The following TOMM20 variants were observed in gnomAD, a reference collection of about 807,000 sequenced individuals.
TOMM20 encodes translocase of outer mitochondrial membrane 20.
TOMM20 carries 10 observed loss-of-function variants against 22.1 expected under a neutral mutation model. The ratio of observed to expected loss-of-function variants is 0.45; its 90% CI spans 0.28 to 0.77. TOMM20 has a LOEUF of 0.77. Among genes scored for constraint, TOMM20 ranks in the 30% least tolerant of loss-of-function variants. The probability of loss-of-function intolerance (pLI) is 0.13; values close to 1 mark genes in which losing one functional copy is unlikely to be tolerated. For missense variants in TOMM20, 121 were observed against 172.2 expected (o/e 0.70, Z 1.66); for synonymous variants, 55 against 61.4 (o/e 0.90, Z 0.49).
At chr1:235,112,131 T>G (rs768786979) in intron 4 of TOMM20, 23 bp from the exon 5 acceptor site, 9 of 1,574,458 alleles carry the variant, frequency 5.7e-6, no homozygotes, top group Non-Finnish European at 8.7e-7. Context: ...AAAAATAATT[T>G]TTTAAAGTGT....
At position 235,121,060 on chromosome 1, in the gene TOMM20, A is replaced by G. The variant is rs376514180; in HGVS notation, c.169-1161T>C. ...ACTAAAATACAAAAATTAGCTGGGC[A>G]TGGTGACATGCACCTGTAGTCCCAG... is the stretch of plus-strand genomic sequence containing the variant. On this transcript the variant is annotated intron_variant, in intron 2 of 4. Coordinates refer to ENST00000366607, the MANE Select transcript of TOMM20 (RefSeq NM_014765.3). Among the ~76,000 whole-genome samples, 52 of 152,104 alleles carry G rather than the reference A, an allele frequency of 3.4e-4. No individual in the cohort carries two copies. The East Asian group carries it at 9.1e-3, about 27-fold the overall frequency.
intron 4 of TOMM20, among the ~76,000 whole-genome samples, chr1:235,112,386 C>G (rs1660753508): frequency 6.6e-6 from 1 of 152,190 alleles, no homozygotes; most frequent in Admixed American, 6.6e-5. Flanking sequence ...GTAACCCAGG[C>G]TGGAGTGCAG....
At chr1:235,120,756 G>C (rs1278924951) in intron 2 of TOMM20, among the ~76,000 whole-genome samples, 1 of 149,440 alleles carries the variant, frequency 6.7e-6, no homozygotes, top group East Asian at 2.0e-4. Context: ...CTATAGTCCA[G>C]CTACTAGGGA....
Position 235,111,825 on chromosome 1 carries a change from G to A in TOMM20, c.*239C>T, listed in dbSNP as rs1322279276. On this transcript the variant is annotated 3_prime_UTR_variant, in exon 5 of 5. Coordinates refer to ENST00000366607, the MANE Select transcript of TOMM20 (RefSeq NM_014765.3). ...TGTTTCAGGAATAAACAAAATCCATGATATTTTAGTAACTCATAGTGTATT... is the reference window on the plus strand; with the variant it reads ...TGTTTCAGGAATAAACAAAATCCATAATATTTTAGTAACTCATAGTGTATT... 5 of 435,496 alleles carry A rather than the reference G, an allele frequency of 1.1e-5. No individual in the cohort carries two copies. The Admixed American group carries it at 1.3e-4, about 11-fold the overall frequency. The allele number at this position is 435,496 out of a possible 1,614,324, so 27.0% of individuals were successfully genotyped here. A position where few individuals can be genotyped will look rare whatever the true frequency, so the allele number is the denominator to read the frequency against.
chr1:235,127,978 C>G (rs1661057136), intron 1 of TOMM20: 1 of 490,756 alleles, frequency 2.0e-6, no homozygotes, highest in Non-Finnish European at 4.0e-6. Context: ...GAGTTCGAGA[C>G]TAGCCTGACC....
At chr1:235,114,008 A>G (rs571560670) in intron 3 of TOMM20, 98 bp from the exon 4 acceptor site, 3 of 1,328,850 alleles carry the variant, frequency 2.3e-6, no homozygotes, top group East Asian at 2.4e-5. Flanking sequence ...GACCAAAAAC[A>G]CTAAGCAAGT....
At chr1:235,119,992 CA>C in intron 2 of TOMM20, 93 bp from the exon 3 acceptor site, 1 of 716,562 alleles carries the variant, frequency 1.4e-6, no homozygotes, top group Non-Finnish European at 2.1e-6. Flanking sequence ...AACAAAAAAC[CA>C]AATCACTCAT....
intron 3 of TOMM20, among the ~76,000 whole-genome samples, chr1:235,114,173 T>A (rs1194593687): frequency 1.3e-5 from 2 of 152,238 alleles, no homozygotes; most frequent in Non-Finnish European, 2.9e-5. Flanking sequence ...ACTATTTATA[T>A]ACTTGGAATA....
In TOMM20 at chr1:235,110,515, T is replaced by G. The variant is rs1447851603; in HGVS notation, c.*1549A>C. On this transcript the variant is annotated 3_prime_UTR_variant, in exon 5 of 5. Coordinates refer to ENST00000366607, the MANE Select transcript of TOMM20 (RefSeq NM_014765.3). Reference sequence around the variant, plus strand: ...CTCCTGTGTAACAAAAAAGCACTGTTTAAGGGTTCAGGATCACAAACCCTC... The same window carrying G: ...CTCCTGTGTAACAAAAAAGCACTGTGTAAGGGTTCAGGATCACAAACCCTC... 6.6e-6 allele frequency: 1 copy of G among 152,196 alleles called. No individual in the cohort carries two copies. Among genetic ancestry groups the G allele is most frequent in the Non-Finnish European group, 1.5e-5 (1 of 68,068 alleles). The allele number at this position is 152,196 out of a possible 1,614,324, so 9.4% of individuals were successfully genotyped here.
At chr1:235,125,574 A>C (rs7547668) in intron 1 of TOMM20, among the ~76,000 whole-genome samples, 24,785 of 151,968 alleles carry the variant, frequency 0.16, 2,243 homozygotes, top group Middle Eastern at 0.23. Context: ...TTATGTGAAA[A>C]ACTGCTCTTT....
chr1:235,119,265 G>A (rs889120278), intron 3 of TOMM20: 1 of 152,160 alleles, frequency 6.6e-6, no homozygotes, highest in African/African-American at 2.4e-5. Flanking sequence ...AATAAATGAA[G>A]TACAATGTAA....
chr1:235,128,733 G>A lies in TOMM20; in HGVS notation c.-18C>T, dbSNP rs762280693. On this transcript the variant is annotated 5_prime_UTR_variant, in exon 1 of 5. Coordinates refer to ENST00000366607, the MANE Select transcript of TOMM20 (RefSeq NM_014765.3). Reference sequence around the variant, plus strand: ...CCCACCATCTTCTCTACAACGCTGAGCGTGGACGGTGGCGGCAGGGACCGC... The same window carrying A: ...CCCACCATCTTCTCTACAACGCTGAACGTGGACGGTGGCGGCAGGGACCGC... The A allele has an allele frequency of 5.6e-6, 9 of 1,613,720 alleles. No individual in the cohort carries two copies. The South Asian group carries it at 8.8e-5, about 16-fold the overall frequency.
rs188767535 is a variant in TOMM20, at chr1:235,111,566, T to A, written c.*498A>T. 1.8e-3 allele frequency: 290 copies of A among 160,562 alleles called. 1 individual carries two copies. Among genetic ancestry groups the A allele is most frequent in the Non-Finnish European group, 3.2e-3 (239 of 73,968 alleles). The allele number at this position is 160,562 out of a possible 1,614,324, so 9.9% of individuals were successfully genotyped here. A position where few individuals can be genotyped will look rare whatever the true frequency, so the allele number is the denominator to read the frequency against. On this transcript the variant is annotated 3_prime_UTR_variant, in exon 5 of 5. Coordinates refer to ENST00000366607, the MANE Select transcript of TOMM20 (RefSeq NM_014765.3). Reference sequence around the variant, plus strand: ...AGCACAGCAGCACACCTCACATATTTACGTCTCAGAGATTAAATGGAAAGA... The same window carrying A: ...AGCACAGCAGCACACCTCACATATTAACGTCTCAGAGATTAAATGGAAAGA...
At chr1:235,122,765 T>C (rs2102812156) in intron 1 of TOMM20, among the ~76,000 whole-genome samples, 1 of 152,302 alleles carries the variant, frequency 6.6e-6, no homozygotes, top group Non-Finnish European at 1.5e-5. Flanking sequence ...GATTATATCT[T>C]TACTGAATGT....
intron 1 of TOMM20, among the ~76,000 whole-genome samples, chr1:235,122,930 T>G (rs1247146013): frequency 6.6e-6 from 1 of 152,228 alleles, no homozygotes; most frequent in Non-Finnish European, 1.5e-5. Flanking sequence ...AGGATACTGA[T>G]GCAGGACTAC....
intron 1 of TOMM20, among the ~76,000 whole-genome samples, chr1:235,128,370 A>G (rs1263199822): frequency 6.6e-6 from 1 of 152,232 alleles, no homozygotes; most frequent in Admixed American, 6.5e-5. Flanking sequence ...TTGCACGGCT[A>G]AAGTGTCTGG....
Position 235,111,771 on chromosome 1 carries a change from G to A in TOMM20, c.*293C>T, listed in dbSNP as rs542913457. The stretch of plus-strand genomic sequence containing the variant: ...ACTGGGTATTTTTAACATAAGCCAT[G>A]TCATATGTACAGTTTAACTATGTAA... On this transcript the variant is annotated 3_prime_UTR_variant, in exon 5 of 5. Coordinates refer to ENST00000366607, the MANE Select transcript of TOMM20 (RefSeq NM_014765.3). The A allele has an allele frequency of 8.8e-6, 2 of 227,526 alleles. No homozygotes were observed. Among genetic ancestry groups the A allele is most frequent in the African/African-American group, 4.6e-5 (2 of 43,306 alleles). The allele number at this position is 227,526 out of a possible 1,614,324, so 14.1% of individuals were successfully genotyped here. A position where few individuals can be genotyped will look rare whatever the true frequency, so the allele number is the denominator to read the frequency against.
intron 2 of TOMM20, among the ~76,000 whole-genome samples, chr1:235,120,453 T>G (rs966781808): frequency 2.6e-5 from 4 of 151,718 alleles, no homozygotes; most frequent in Non-Finnish European, 5.9e-5. Context: ...TTAGTAGAGA[T>G]AGGGTTTCGC....
intron 1 of TOMM20, among the ~76,000 whole-genome samples, chr1:235,127,137 A>G (rs1167122023): frequency 6.6e-6 from 1 of 152,238 alleles, no homozygotes; most frequent in East Asian, 1.9e-4. Flanking sequence ...TTTGTACCAA[A>G]GCCCCCAGCT....
Sources: allele counts gnomAD v4.1 joint callset (sites outside exome capture counted in the v4.1 genomes callset), GRCh38; gene constraint gnomAD v4.1.1; transcripts MANE v1.5; gene names NCBI Gene and HGNC (gene_info 2026-07-23, HGNC 2026-07-21).